PLXNA4: variants seen among roughly 807,000 people sequenced by gnomAD.
PLXNA4 encodes the protein plexin A4.
A neutral mutation model predicts 191.8 loss-of-function variants in PLXNA4; 44 were observed. The observed-to-expected ratio is 0.23, with a 90% CI of 0.18 to 0.29. PLXNA4 has a LOEUF of 0.29. PLXNA4 is among the 10% of genes least tolerant of loss of function. PLXNA4 has a pLI of 1.00. For missense variants in PLXNA4, 1,800 were observed against 2,488.8 expected, an observed-to-expected ratio of 0.72 and a Z score of 5.89; for synonymous variants, 1,082 against 1,009.5, an observed-to-expected ratio of 1.07 and a Z score of -1.36.
chr7:132,288,231 A>G (rs1442784537), intron 4 of PLXNA4, among the ~76,000 whole-genome samples: 1 of 152,172 alleles, frequency 6.6e-6, no homozygotes, highest in Non-Finnish European at 1.5e-5. Flanking sequence ...GTTGCGCCAG[A>G]TAAGCCAGTA....
chr7:132,402,046 G>C (rs1306498385), intron 3 of PLXNA4, among the ~76,000 whole-genome samples: 1 of 152,124 alleles, frequency 6.6e-6, no homozygotes, highest in Non-Finnish European at 1.5e-5. Flanking sequence ...AGCCCAGCCA[G>C]GTGCTAGAAA....
chr7:132,267,906 T>G (rs565810891), intron 4 of PLXNA4, among the ~76,000 whole-genome samples: 1 of 152,262 alleles, frequency 6.6e-6, no homozygotes, highest in South Asian at 2.1e-4. Flanking sequence ...AAGAGTTAAC[T>G]CCATCTGACT....
chr7:132,260,487 G>A (rs375209372), intron 4 of PLXNA4, among the ~76,000 whole-genome samples: 16 of 152,156 alleles, frequency 1.1e-4, no homozygotes, highest in African/African-American at 2.9e-4. Flanking sequence ...AGATAAAGAC[G>A]GGAACAACAG....
chr7:132,221,128 G>A (rs536576463), intron 9 of PLXNA4, among the ~76,000 whole-genome samples: 7 of 152,156 alleles, frequency 4.6e-5, no homozygotes, highest in African/African-American at 1.7e-4. Context: ...GTACTACCAC[G>A]CCTGGCCTTA....
intron 2 of PLXNA4, among the ~76,000 whole-genome samples, chr7:132,505,911 C>T (rs1798449121): frequency 1.3e-5 from 2 of 152,192 alleles, no homozygotes; most frequent in South Asian, 2.1e-4. Context: ...AAACAAAGGG[C>T]TCCAGGGGCA....
intron 20 of PLXNA4, 137 bp downstream of exon 20, chr7:132,179,550 G>A (rs1228802890): frequency 1.2e-5 from 16 of 1,282,214 alleles, no homozygotes; most frequent in Non-Finnish European, 1.7e-5. Flanking sequence ...CACACCGCCA[G>A]CCTCCAGCAC....
At chr7:132,358,650 T>G (rs1454218121) in intron 3 of PLXNA4, among the ~76,000 whole-genome samples, 1 of 152,232 alleles carries the variant, frequency 6.6e-6, no homozygotes, top group Non-Finnish European at 1.5e-5. Context: ...GCCTACTCTA[T>G]GACAGTGACT....
chr7:132,443,203 T>G (rs1406424800), intron 3 of PLXNA4, among the ~76,000 whole-genome samples: 2 of 152,200 alleles, frequency 1.3e-5, no homozygotes, highest in African/African-American at 4.8e-5. Flanking sequence ...TTGCTGATGT[T>G]TGGAGGTTTT....
intron 2 of PLXNA4, among the ~76,000 whole-genome samples, chr7:132,502,469 C>T (rs999605124): frequency 1.3e-5 from 2 of 152,140 alleles, no homozygotes; most frequent in African/African-American, 4.8e-5. Context: ...CAATGGTTCT[C>T]AACGAGAGGC....
intron 2 of PLXNA4, among the ~76,000 whole-genome samples, chr7:132,604,065 T>C (rs775698520): frequency 1.3e-5 from 2 of 152,322 alleles, no homozygotes; most frequent in East Asian, 3.9e-4. Context: ...CCCACCACTG[T>C]CCACACCCCT....
rs1239901618 is a variant in PLXNA4, at chr7:132,124,949, C to T, written c.*5530G>A. 6.6e-6 allele frequency: 1 copy of T among 151,982 alleles called. No individual in the cohort carries two copies. Among genetic ancestry groups the T allele is most frequent in the African/African-American group, 2.4e-5 (1 of 41,378 alleles). The allele number at this position is 151,982 out of a possible 1,614,324, so 9.4% of individuals were successfully genotyped here. On this transcript the variant is annotated 3_prime_UTR_variant, in exon 32 of 32. Coordinates refer to ENST00000321063, the MANE Select transcript of PLXNA4 (RefSeq NM_020911.2). Reference sequence around the variant, plus strand: ...TCGGGATCCTAATGAGTATGTATTTCTCTTACAACCAAAAAATTCTATATA... The same window carrying T: ...TCGGGATCCTAATGAGTATGTATTTTTCTTACAACCAAAAAATTCTATATA...
At chr7:132,604,942 G>A (rs182526061) in intron 2 of PLXNA4, among the ~76,000 whole-genome samples, 2 of 152,184 alleles carry the variant, frequency 1.3e-5, no homozygotes, top group East Asian at 1.9e-4. Context: ...GCCCTTGATG[G>A]CTCTTCCTTT....
intron 2 of PLXNA4, among the ~76,000 whole-genome samples, chr7:132,623,171 C>G (rs1803303186): frequency 6.6e-6 from 1 of 151,970 alleles, no homozygotes; most frequent in Non-Finnish European, 1.5e-5. Flanking sequence ...GAAACCCTGT[C>G]TCTAATTTTT....
intron 24 of PLXNA4, among the ~76,000 whole-genome samples, chr7:132,162,561 G>A (rs989936433): frequency 6.6e-5 from 10 of 152,154 alleles, no homozygotes; most frequent in Admixed American, 6.5e-5. Context: ...GGAGTGGAAC[G>A]GGGGAGACAG....
chr7:132,505,859 A>G (rs556622039), intron 2 of PLXNA4, among the ~76,000 whole-genome samples: 32 of 152,016 alleles, frequency 2.1e-4, no homozygotes, highest in Admixed American at 1.8e-3. Context: ...AAGTTCACAG[A>G]CCTGTCTCAT....
intron 3 of PLXNA4, among the ~76,000 whole-genome samples, chr7:132,418,026 A>G (rs1239976220): frequency 1.3e-5 from 2 of 152,164 alleles, no homozygotes; most frequent in Admixed American, 6.5e-5. Context: ...GTTTATTTAG[A>G]ACTAGCATTC....
At chr7:132,156,375 G>A (rs1430039300) in intron 25 of PLXNA4, among the ~76,000 whole-genome samples, 1 of 152,146 alleles carries the variant, frequency 6.6e-6, no homozygotes, top group Non-Finnish European at 1.5e-5. Context: ...AAAGCCAGGG[G>A]CCACAGTGAT....
intron 4 of PLXNA4, among the ~76,000 whole-genome samples, chr7:132,255,420 C>G (rs908976157): frequency 6.6e-6 from 1 of 152,180 alleles, no homozygotes; most frequent in African/African-American, 2.4e-5. Flanking sequence ...ACCTAACACC[C>G]AGCATCTGTC....
At position 132,291,414 on chromosome 7, in the gene PLXNA4, C is replaced by T. The variant is rs187365409; in HGVS notation, c.1503+6677G>A. On this transcript the variant is annotated intron_variant, in intron 4 of 31. Coordinates refer to ENST00000321063, the MANE Select transcript of PLXNA4 (RefSeq NM_020911.2). ...TAAGCCATTCACTCATTCTCTCATTCGCTGTCTCTCTGCCCAGAATGTAAG... is the reference window on the plus strand; with the variant it reads ...TAAGCCATTCACTCATTCTCTCATTTGCTGTCTCTCTGCCCAGAATGTAAG... Among the ~76,000 whole-genome samples the T allele has an allele frequency of 2.1e-4, 32 of 152,308 alleles. 1 individual carries two copies. The highest frequency in any genetic ancestry group is 3.4e-3 in the Middle Eastern group (1 of 294).
Sources: allele counts gnomAD v4.1 joint callset (sites outside exome capture counted in the v4.1 genomes callset), GRCh38; gene constraint gnomAD v4.1.1; transcripts MANE v1.5; gene names NCBI Gene and HGNC (gene_info 2026-07-23, HGNC 2026-07-21).